Variants in SHANK2 observed in about 807,000 individuals in gnomAD.
SHANK2 encodes SH3 and multiple ankyrin repeat domains 2.
Under a neutral mutation model 133.7 loss-of-function variants are expected in SHANK2, and 43 were observed. The ratio of observed to expected loss-of-function variants is 0.32; its 90% CI spans 0.25 to 0.41. The LOEUF (loss-of-function observed/expected upper bound fraction) is 0.41. SHANK2 is among the 10% of genes least tolerant of loss of function. The pLI is 1.00. For missense variants in SHANK2, 1,994 were observed against 2,235.8 expected (o/e 0.89, Z 2.18); for synonymous variants, 1,017 against 952.8 (o/e 1.07, Z -1.24).
chr11:71,214,957 G>T (rs1555119498), intron 2 of SHANK2, among the ~76,000 whole-genome samples: 1 of 152,166 alleles, frequency 6.6e-6, no homozygotes. Flanking sequence ...CAGGGAGGGA[G>T]AACAGAATAG....
chr11:70,548,734 G>C (rs1267909144), intron 17 of SHANK2, among the ~76,000 whole-genome samples: 5 of 152,208 alleles, frequency 3.3e-5, no homozygotes, highest in Non-Finnish European at 7.3e-5. Flanking sequence ...GAGCCTGTGA[G>C]CGTGACCTTA....
intron 14 of SHANK2, among the ~76,000 whole-genome samples, chr11:70,787,341 CCACCACCAG>C (rs1947688424): frequency 6.7e-6 from 1 of 150,218 alleles, no homozygotes; most frequent in South Asian, 2.1e-4. Context: ...ATGACCACCA[CCACCACCAG>C]CATCACCACC....
chr11:71,194,502 G>A (rs782419651), intron 2 of SHANK2, among the ~76,000 whole-genome samples: 1 of 152,150 alleles, frequency 6.6e-6, no homozygotes, highest in Admixed American at 6.5e-5. Flanking sequence ...CCACCAAACA[G>A]GATGTTAACA....
At chr11:70,866,339 G>A (rs1949359126) in intron 11 of SHANK2, among the ~76,000 whole-genome samples, 1 of 152,180 alleles carries the variant, frequency 6.6e-6, no homozygotes, top group African/African-American at 2.4e-5. Context: ...TCTAGTCACA[G>A]AAAATGGAAG....
In SHANK2 at chr11:70,863,184, G is replaced by T. The variant is rs1565368226; in HGVS notation, c.1174+33317C>A. Reference sequence around the variant, plus strand: ...TTTGTAGGCCAGACAGCAGGTGAGAGAGGTCCCTGGTCAGGAGGGGTTGGC... The same window carrying T: ...TTTGTAGGCCAGACAGCAGGTGAGATAGGTCCCTGGTCAGGAGGGGTTGGC... On this transcript the variant is annotated intron_variant, in intron 11 of 25. Transcript: ENST00000601538. 5.0e-4 allele frequency: 184 copies of T among 371,612 alleles called. 4 individuals are homozygous for T. Among genetic ancestry groups the T allele is most frequent in the South Asian group, 3.6e-3 (182 of 50,468 alleles). 23.0% of individuals were successfully genotyped at this position (371,612 alleles called of 1,614,324 possible). A position where few individuals can be genotyped will look rare whatever the true frequency, so the allele number is the denominator to read the frequency against.
chr11:70,854,810 C>T (rs1949142496), intron 11 of SHANK2, among the ~76,000 whole-genome samples: 1 of 152,182 alleles, frequency 6.6e-6, no homozygotes, highest in Admixed American at 6.5e-5. Flanking sequence ...AGTACACTGC[C>T]CCATGGCCTC....
intron 2 of SHANK2, among the ~76,000 whole-genome samples, chr11:71,200,831 TACACACACAC>T (rs56749664): frequency 8.3e-5 from 12 of 144,928 alleles, no homozygotes; most frequent in Admixed American, 4.1e-4. Context: ...TCTCAATTAA[TACACACACAC>T]ACACACACAC....
chr11:70,742,760 A>G (rs1220461858), intron 14 of SHANK2, among the ~76,000 whole-genome samples: 2 of 152,218 alleles, frequency 1.3e-5, no homozygotes, highest in Non-Finnish European at 2.9e-5. Flanking sequence ...GCTGCCGGAG[A>G]TAAGAGGCAA....
At chr11:71,226,168 T>A (rs2919730) in intron 1 of SHANK2, among the ~76,000 whole-genome samples, 91,804 of 152,030 alleles carry the variant, frequency 0.6, 30,688 homozygotes, top group African/African-American at 0.87. Context: ...ACAGTAACTG[T>A]AATAAAAGAC....
chr11:71,080,645 G>A (rs1442212417), intron 8 of SHANK2, among the ~76,000 whole-genome samples: 1 of 152,154 alleles, frequency 6.6e-6, no homozygotes, highest in Non-Finnish European at 1.5e-5. Flanking sequence ...CATATGCCTT[G>A]TGACATGAGG....
At chr11:70,493,432 CAA>C (rs2058926033) in intron 21 of SHANK2, among the ~76,000 whole-genome samples, 1 of 141,398 alleles carries the variant, frequency 7.1e-6, no homozygotes, top group Non-Finnish European at 1.5e-5. Flanking sequence ...TAGCAATTAA[CAA>C]AAGTTTTTTA....
intron 17 of SHANK2, 36 bp downstream of exon 17, chr11:70,659,792 C>A (rs782715126): frequency 1.9e-6 from 3 of 1,613,940 alleles, no homozygotes; most frequent in Non-Finnish European, 2.5e-6. Context: ...TCGGCGCTCT[C>A]CCCAAGCAGA....
intron 4 of SHANK2, among the ~76,000 whole-genome samples, chr11:71,115,544 T>A (rs1404777048): frequency 2.0e-5 from 3 of 152,080 alleles, no homozygotes; most frequent in Non-Finnish European, 4.4e-5. Flanking sequence ...AGCTGCAAAG[T>A]CAATTTGGGG....
intron 6 of SHANK2, among the ~76,000 whole-genome samples, chr11:71,104,724 T>C (rs1161698225): frequency 1.3e-5 from 2 of 152,090 alleles, no homozygotes; most frequent in Non-Finnish European, 2.9e-5. Flanking sequence ...TCACCCTGGG[T>C]CCCCACTTCC....
intron 17 of SHANK2, among the ~76,000 whole-genome samples, chr11:70,597,303 C>T (rs1343819468): frequency 6.6e-6 from 1 of 152,050 alleles, no homozygotes; most frequent in Non-Finnish European, 1.5e-5. Context: ...CCCAGGCACC[C>T]CATAATAACT....
chr11:71,190,641 CGTATGTGCAGAA>C (rs1953773923), intron 2 of SHANK2, among the ~76,000 whole-genome samples: 1 of 152,188 alleles, frequency 6.6e-6, no homozygotes, highest in Non-Finnish European at 1.5e-5. Flanking sequence ...TTTCTGACAA[CGTATGTGCAGAA>C]GTGTGTGACG....
At chr11:70,575,648 A>G (rs1554984086) in intron 17 of SHANK2, among the ~76,000 whole-genome samples, 1 of 149,948 alleles carries the variant, frequency 6.7e-6, no homozygotes, top group Non-Finnish European at 1.5e-5. Flanking sequence ...GTGTTTCCAC[A>G]TGTGTTTTGC....
At chr11:71,061,793 G>A (rs1446124850) in intron 9 of SHANK2, among the ~76,000 whole-genome samples, 1 of 152,062 alleles carries the variant, frequency 6.6e-6, no homozygotes, top group Non-Finnish European at 1.5e-5. Flanking sequence ...CCACCAGGAT[G>A]AGACAGAGTG....
chr11:71,213,920 C>T (rs936189694), intron 2 of SHANK2, among the ~76,000 whole-genome samples: 1 of 152,186 alleles, frequency 6.6e-6, no homozygotes, highest in Admixed American at 6.5e-5. Flanking sequence ...CTTCCTTGGG[C>T]CATTTACCAT....
Sources: gnomAD v4.1 joint callset for allele counts (sites outside exome capture counted in the v4.1 genomes callset) on GRCh38, gnomAD v4.1.1 for gene constraint, MANE v1.5 for transcripts, NCBI Gene and HGNC (gene_info 2026-07-23, HGNC 2026-07-21) for gene names.